The following VEGFC variants were observed in gnomAD, a reference collection of about 807,000 sequenced individuals.
The protein encoded by VEGFC is FLT4 ligand DHM.
Under a neutral mutation model 46.1 loss-of-function variants are expected in VEGFC, and 12 were observed. That is an observed-to-expected ratio of 0.26 (90% confidence interval 0.17 to 0.42). The LOEUF (loss-of-function observed/expected upper bound fraction) is 0.42. VEGFC is among the 10% of genes least tolerant of loss of function. The probability of loss-of-function intolerance (pLI) is 1.00; values close to 1 mark genes in which losing one functional copy is unlikely to be tolerated. For synonymous variants in VEGFC, 232 were observed against 195.5 expected, an observed-to-expected ratio of 1.19 and a Z score of -1.56; for missense variants, 488 against 529.4, an observed-to-expected ratio of 0.92 and a Z score of 0.77.
At chr4:176,686,284 C>T (rs983260464) in intron 6 of VEGFC, among the ~76,000 whole-genome samples, 1 of 152,112 alleles carries the variant, frequency 6.6e-6, no homozygotes, top group Admixed American at 6.5e-5. Flanking sequence ...CACTGTAGGC[C>T]ATAAACCAGG....
intron 1 of VEGFC, among the ~76,000 whole-genome samples, chr4:176,774,893 T>C (rs999137065): frequency 6.6e-6 from 1 of 151,896 alleles, no homozygotes; most frequent in Non-Finnish European, 1.5e-5. Flanking sequence ...TTGATTTGTA[T>C]CCTCTAGATT....
chr4:176,732,701 T>C (rs1453308520), intron 1 of VEGFC, among the ~76,000 whole-genome samples: 1 of 150,722 alleles, frequency 6.6e-6, no homozygotes, highest in African/African-American at 2.4e-5. Flanking sequence ...GAAAACACAT[T>C]CATTGAAAAA....
At position 176,706,625 on chromosome 4, in the gene VEGFC, C is replaced by CAAAAA. The variant is rs55996370; in HGVS notation, c.704+4869_704+4873dup. 3.6e-4 allele frequency among the ~76,000 whole-genome samples: 23 copies of CAAAAA among 63,468 alleles called. 1 individual carries two copies. The highest frequency in any genetic ancestry group is 1.7e-3 in the African/African-American group (21 of 12,280). 41.6% of individuals were successfully genotyped at this position (63,468 alleles called of 152,430 possible). On this transcript the variant is annotated intron_variant, in intron 4 of 6. Transcript: ENST00000618562. ...TGGGTGATAGAGTGAGAATCTGTCT[C>CAAAAA]AAAAAAAAAAAAAAAAAAAAAAAAA...
chr4:176,779,476 A>C (rs2110941613), intron 1 of VEGFC, among the ~76,000 whole-genome samples: 1 of 152,296 alleles, frequency 6.6e-6, no homozygotes, highest in South Asian at 2.1e-4. Flanking sequence ...AAGGAAAGAA[A>C]AGAATGTGTA....
At chr4:176,696,958 C>T (rs1166641449) in intron 4 of VEGFC, among the ~76,000 whole-genome samples, 6 of 150,806 alleles carry the variant, frequency 4.0e-5, no homozygotes, top group Admixed American at 2.0e-4. Flanking sequence ...TGGATCCCTT[C>T]CTTACACCTT....
chr4:176,766,530 T>C (rs1289948520), intron 1 of VEGFC, among the ~76,000 whole-genome samples: 2 of 148,856 alleles, frequency 1.3e-5, no homozygotes, highest in African/African-American at 5.0e-5. Context: ...GTGGCTGTGG[T>C]GAGCCATTAT....
At chr4:176,738,259 A>G (rs1475550276) in intron 1 of VEGFC, among the ~76,000 whole-genome samples, 1 of 152,078 alleles carries the variant, frequency 6.6e-6, no homozygotes, top group African/African-American at 2.4e-5. Flanking sequence ...TCCTAAGCAA[A>G]AAGCACAAAG....
At chr4:176,692,210 C>A (rs1408430598) in intron 4 of VEGFC, among the ~76,000 whole-genome samples, 1 of 148,818 alleles carries the variant, frequency 6.7e-6, no homozygotes, top group Non-Finnish European at 1.5e-5. Context: ...CCGGCTAAAA[C>A]GGTGAAACCC....
At chr4:176,775,593 T>C (rs1317201252) in intron 1 of VEGFC, among the ~76,000 whole-genome samples, 1 of 152,202 alleles carries the variant, frequency 6.6e-6, no homozygotes, top group African/African-American at 2.4e-5. Flanking sequence ...CCATGTATTG[T>C]ATTTCCAGCT....
intron 4 of VEGFC, among the ~76,000 whole-genome samples, chr4:176,709,278 G>A (rs1734583214): frequency 6.6e-6 from 1 of 152,130 alleles, no homozygotes; most frequent in South Asian, 2.1e-4. Flanking sequence ...ATTTTGTTAA[G>A]GGTTAAATCA....
chr4:176,786,009 C>T (rs1006346139), intron 1 of VEGFC, among the ~76,000 whole-genome samples: 1 of 151,982 alleles, frequency 6.6e-6, no homozygotes, highest in Non-Finnish European at 1.5e-5. Flanking sequence ...TCATCGCCAG[C>T]AATCAGGAGC....
chr4:176,784,070 T>TTTTG lies in VEGFC; in HGVS notation c.147+8094_147+8095insCAAA, dbSNP rs1735959459. ...TATATGTATGCACATGCTGTTTTTT[T>TTTTG]TTTTTTTTTTTTGAAACAGAGTCTC... is the stretch of plus-strand genomic sequence containing the variant. On this transcript the variant is annotated intron_variant, in intron 1 of 6. Transcript: ENST00000618562. Among the ~76,000 whole-genome samples the TTTTG allele has an allele frequency of 2.8e-4, 9 of 31,800 alleles. 1 individual carries two copies. Among genetic ancestry groups the TTTTG allele is most frequent in the East Asian group, 0.023 (2 of 88 alleles). The allele number at this position is 31,800 out of a possible 152,430, so 20.9% of individuals were successfully genotyped here. A position where few individuals can be genotyped will look rare whatever the true frequency, so the allele number is the denominator to read the frequency against.
intron 4 of VEGFC, among the ~76,000 whole-genome samples, chr4:176,705,180 C>T (rs1037427528): frequency 2.6e-5 from 4 of 152,080 alleles, no homozygotes; most frequent in Admixed American, 2.0e-4. Context: ...GATAGAAGAC[C>T]TGACATAAAT....
chr4:176,687,980 G>T, intron 4 of VEGFC, 53 bp from the exon 5 acceptor site: 35 of 955,322 alleles, frequency 3.7e-5, no homozygotes, highest in Non-Finnish European at 5.1e-5. Flanking sequence ...ACCTAGAAGG[G>T]ACCATCTCTG....
At chr4:176,776,091 G>A (rs1394982884) in intron 1 of VEGFC, among the ~76,000 whole-genome samples, 2 of 152,194 alleles carry the variant, frequency 1.3e-5, no homozygotes, top group Non-Finnish European at 2.9e-5. Flanking sequence ...AATAAATTAA[G>A]ATCATGATAG....
At chr4:176,727,420 C>A (rs1466265182) in intron 3 of VEGFC, among the ~76,000 whole-genome samples, 3 of 152,056 alleles carry the variant, frequency 2.0e-5, no homozygotes, top group East Asian at 3.9e-4. Context: ...GAAAACTCAC[C>A]CATTTAAAAG....
chr4:176,782,457 T>C (rs1203423680), intron 1 of VEGFC, among the ~76,000 whole-genome samples: 2 of 149,580 alleles, frequency 1.3e-5, no homozygotes, highest in African/African-American at 5.0e-5. Flanking sequence ...GAGTGAGGCC[T>C]GTCTCAAATT....
intron 1 of VEGFC, among the ~76,000 whole-genome samples, chr4:176,742,477 A>G (rs1735192517): frequency 6.6e-6 from 1 of 151,952 alleles, no homozygotes; most frequent in South Asian, 2.1e-4. Flanking sequence ...TGCTGGGTCA[A>G]ACTGTAGTTC....
intron 2 of VEGFC, among the ~76,000 whole-genome samples, chr4:176,728,873 A>AT (rs546504656): frequency 2.6e-5 from 4 of 151,854 alleles, no homozygotes; most frequent in Admixed American, 6.6e-5. Flanking sequence ...CCACTTTTTA[A>AT]TTTTTTTTAA....
Sources: gnomAD v4.1 joint callset for allele counts (sites outside exome capture counted in the v4.1 genomes callset) on GRCh38, gnomAD v4.1.1 for gene constraint, MANE v1.5 for transcripts, NCBI Gene and HGNC (gene_info 2026-07-23, HGNC 2026-07-21) for gene names.